Variants in MAD1L1 observed in about 807,000 individuals in gnomAD.
The protein encoded by MAD1L1 is mitotic spindle assembly checkpoint protein MAD1.
MAD1L1 carries 95 observed loss-of-function variants against 96.9 expected under a neutral mutation model. That is an observed-to-expected ratio of 0.98 (90% confidence interval 0.83 to 1.16). The LOEUF (loss-of-function observed/expected upper bound fraction) is 1.16, where lower values mean the gene tolerates loss of function less well. Among genes scored for constraint, MAD1L1 ranks in the 50% most tolerant of loss-of-function variants. MAD1L1 has a pLI of 0.00. For synonymous variants in MAD1L1, 473 were observed against 396.6 expected (o/e 1.19, Z -2.29); for missense variants, 1,007 against 954.4 (o/e 1.06, Z -0.73).
chr7:2,122,527 G>A (rs369840242), intron 11 of MAD1L1, among the ~76,000 whole-genome samples: 22 of 152,084 alleles, frequency 1.4e-4, no homozygotes, highest in African/African-American at 5.1e-4. Flanking sequence ...ACTTGAACCC[G>A]GGAGGCGGAG....
rs765230940 is a variant in MAD1L1, at chr7:2,146,215, C to T, written c.1073+2937G>A. On this transcript the variant is annotated intron_variant, in intron 11 of 18. Transcript: ENST00000265854. The surrounding 1 kb of genome is among the most constrained non-coding windows in gnomAD (Gnocchi z 6.2). Reference sequence around the variant, plus strand: ...GATGCTGCCACGTGAGCTACCCCAGCGGCACCGTCACAGCAGCACCGCCTG... The same window carrying T: ...GATGCTGCCACGTGAGCTACCCCAGTGGCACCGTCACAGCAGCACCGCCTG... Among the ~76,000 whole-genome samples the T allele has an allele frequency of 1.3e-5, 2 of 152,178 alleles. No homozygotes were observed. Among genetic ancestry groups the T allele is most frequent in the Non-Finnish European group, 2.9e-5 (2 of 68,036 alleles).
Position 2,119,658 on chromosome 7 carries a change from G to A in MAD1L1, c.1073+29494C>T, listed in dbSNP as rs1787882387. On this transcript the variant is annotated intron_variant, in intron 11 of 18. Transcript: ENST00000265854. This position sits in a 1 kb window ranked among gnomAD's most constrained non-coding sequence, Gnocchi z 4.6. ...CAGGACAGAGGGCTGGAGCTCTGGA[G>A]GGTAACCTGTGCTGAGTGACAATGC... is the stretch of plus-strand genomic sequence containing the variant. Among the ~76,000 whole-genome samples the A allele has an allele frequency of 6.6e-6, 1 of 152,196 alleles. No individual in the cohort carries two copies. The highest frequency in any genetic ancestry group is 1.9e-4 in the East Asian group (1 of 5,198).
chr7:1,996,898 G>A (rs1331867227), intron 14 of MAD1L1, among the ~76,000 whole-genome samples: 2 of 94,748 alleles, frequency 2.1e-5, no homozygotes, highest in East Asian at 9.6e-4. Context: ...CCTCTGAATC[G>A]GAAAATAAAG....
At chr7:1,908,752 C>A (rs942714231) in intron 17 of MAD1L1, among the ~76,000 whole-genome samples, 1 of 152,184 alleles carries the variant, frequency 6.6e-6, no homozygotes, top group Non-Finnish European at 1.5e-5. Context: ...TGGTCTTCTA[C>A]AAGTGACTGG....
At chr7:1,926,585 C>T (rs1789102449) in intron 17 of MAD1L1, among the ~76,000 whole-genome samples, 1 of 152,144 alleles carries the variant, frequency 6.6e-6, no homozygotes. Context: ...CCAAAAAAAT[C>T]ACAATGACAC....
At chr7:2,153,876 G>A (rs1028453707) in intron 10 of MAD1L1, among the ~76,000 whole-genome samples, 2 of 152,248 alleles carry the variant, frequency 1.3e-5, no homozygotes, top group Non-Finnish European at 2.9e-5. Flanking sequence ...ACAAGAGCTG[G>A]GCCGAGCGCG....
At chr7:2,224,333 C>T (rs971339370) in intron 4 of MAD1L1, among the ~76,000 whole-genome samples, 1 of 152,126 alleles carries the variant, frequency 6.6e-6, no homozygotes, top group Non-Finnish European at 1.5e-5. Context: ...CCCCTTCCCA[C>T]CAATTCCTCC....
At chr7:1,882,159 G>C (rs552831559) in intron 18 of MAD1L1, among the ~76,000 whole-genome samples, 5 of 152,326 alleles carry the variant, frequency 3.3e-5, no homozygotes, top group Admixed American at 3.3e-4. Context: ...GGAGGGCAAA[G>C]CTCACCTTAC....
intron 15 of MAD1L1, among the ~76,000 whole-genome samples, chr7:1,961,940 G>A (rs530816654): frequency 1.3e-5 from 2 of 150,318 alleles, no homozygotes; most frequent in Non-Finnish European, 3.0e-5. Flanking sequence ...GTGTGTTGTG[G>A]CAGGGACGTG....
In MAD1L1 at chr7:2,096,037, G is replaced by T. The variant is rs571727758; in HGVS notation, c.1074-26699C>A. Reference sequence around the variant, plus strand: ...ATCGGGCTCCCCCAGGCCTGATCAGGACTCAGTCACGTAATGACAGCTCGC... The same window carrying T: ...ATCGGGCTCCCCCAGGCCTGATCAGTACTCAGTCACGTAATGACAGCTCGC... On this transcript the variant is annotated intron_variant, in intron 11 of 18. Transcript: ENST00000265854. 3.0e-4 allele frequency among the ~76,000 whole-genome samples: 46 copies of T among 152,358 alleles called. 2 individuals are homozygous for T. The South Asian group carries it at 7.9e-3, about 26-fold the overall frequency.
intron 12 of MAD1L1, among the ~76,000 whole-genome samples, chr7:2,019,555 A>G (rs1380750534): frequency 1.3e-5 from 2 of 152,258 alleles, no homozygotes; most frequent in Non-Finnish European, 2.9e-5. Flanking sequence ...ACCAGGATTA[A>G]TAAGTACATG....
At chr7:1,886,883 G>A (rs1407429191) in intron 18 of MAD1L1, among the ~76,000 whole-genome samples, 1 of 152,280 alleles carries the variant, frequency 6.6e-6, no homozygotes, top group East Asian at 1.9e-4. Context: ...CCTGGGGACA[G>A]TTGGGGTGTG....
At chr7:1,950,606 T>C (rs1009737255) in intron 16 of MAD1L1, among the ~76,000 whole-genome samples, 1 of 152,184 alleles carries the variant, frequency 6.6e-6, no homozygotes, top group Non-Finnish European at 1.5e-5. Flanking sequence ...TGAGCGCCAG[T>C]CGACCCCACA....
intron 11 of MAD1L1, among the ~76,000 whole-genome samples, chr7:2,140,726 C>T (rs1201576468): frequency 6.6e-6 from 1 of 152,256 alleles, no homozygotes; most frequent in Non-Finnish European, 1.5e-5. Flanking sequence ...TTGCCTTCCC[C>T]CAGTCCCTGC....
intron 10 of MAD1L1, among the ~76,000 whole-genome samples, chr7:2,188,216 C>T (rs1238681748): frequency 6.6e-6 from 1 of 152,220 alleles, no homozygotes; most frequent in African/African-American, 2.4e-5. Context: ...ACTAACCTTC[C>T]AGAAACCACT....
At chr7:2,218,690 T>A (rs761410152) in intron 6 of MAD1L1, among the ~76,000 whole-genome samples, 31 of 152,132 alleles carry the variant, frequency 2.0e-4, no homozygotes, top group South Asian at 1.5e-3. Flanking sequence ...GAGGATCGCT[T>A]GAGGCCAGGA....
chr7:1,816,518 C>G (rs1450926108), intron 18 of MAD1L1, among the ~76,000 whole-genome samples: 1 of 152,158 alleles, frequency 6.6e-6, no homozygotes, highest in African/African-American at 2.4e-5. Flanking sequence ...TTGCTCCTTC[C>G]TCCACCTGGG....
At chr7:1,910,701 G>A (rs6947019) in intron 17 of MAD1L1, among the ~76,000 whole-genome samples, 24,941 of 152,270 alleles carry the variant, frequency 0.16, 2,345 homozygotes, top group South Asian at 0.28. Flanking sequence ...CCTGGAACAC[G>A]TTCGTCAGGT....
intron 5 of MAD1L1, among the ~76,000 whole-genome samples, chr7:2,221,533 T>C (rs1292842353): frequency 8.0e-6 from 1 of 125,762 alleles, no homozygotes; most frequent in Non-Finnish European, 1.6e-5. Flanking sequence ...CACCAGCAGA[T>C]TTTCATGTTT....
Sources: gnomAD v4.1 joint callset for allele counts (sites outside exome capture counted in the v4.1 genomes callset) on GRCh38, gnomAD v4.1.1 for gene constraint, Gnocchi (gnomAD v3.1) non-coding constraint, MANE v1.5 for transcripts, NCBI Gene and HGNC (gene_info 2026-07-23, HGNC 2026-07-21) for gene names.